ULK3: variants seen among roughly 807,000 people sequenced by gnomAD.
ULK3 encodes the protein serine/threonine-protein kinase ULK3.
Under a neutral mutation model 69.4 loss-of-function variants are expected in ULK3, and 54 were observed. The observed-to-expected ratio is 0.78, with a 90% CI of 0.63 to 0.98. ULK3 has a LOEUF of 0.98. ULK3 is among the 50% of genes least tolerant of loss of function. The pLI, the probability that ULK3 is intolerant of heterozygous loss-of-function variation, is 0.00. For missense variants in ULK3, 558 were observed against 627.7 expected, an observed-to-expected ratio of 0.89 and a Z score of 1.19; for synonymous variants, 240 against 254.5, an observed-to-expected ratio of 0.94 and a Z score of 0.54.
chr15:74,841,366 C>A, intron 4 of ULK3, 39 bp downstream of exon 4: 1 of 1,570,664 alleles, frequency 6.4e-7, no homozygotes, highest in East Asian at 2.2e-5. Flanking sequence ...GAGGCCTCTG[C>A]ACTCTCCAAA....
intron 14 of ULK3, 76 bp from the exon 15 acceptor site, chr15:74,837,511 A>T (rs2064058456): frequency 9.8e-7 from 1 of 1,016,996 alleles, no homozygotes; most frequent in African/African-American, 2.5e-5. Context: ...CAAGTGAGAG[A>T]GTGAAGGACG....
chr15:74,841,059 G>A (rs532397618), intron 4 of ULK3, among the ~76,000 whole-genome samples: 2 of 152,256 alleles, frequency 1.3e-5, no homozygotes, highest in South Asian at 4.1e-4. Flanking sequence ...CAATTCTGAT[G>A]ACAGACCAAG....
intron 6 of ULK3, 85 bp downstream of exon 6, chr15:74,840,149 C>G (rs12908814): frequency 0.58 from 852,695 of 1,469,052 alleles, 252,856 homozygotes; most frequent in Non-Finnish European, 0.62. Flanking sequence ...ATACTCCAGT[C>G]TCTGCAGGTC....
Position 74,843,119 on chromosome 15 carries a change from G to A in ULK3, c.-14C>T. 4 of 1,265,560 alleles carry A rather than the reference G, an allele frequency of 3.2e-6. No individual in the cohort carries two copies. The highest frequency in any genetic ancestry group is 4.0e-6 in the Non-Finnish European group (4 of 1,001,490). 78.4% of individuals were successfully genotyped at this position (1,265,560 alleles called of 1,614,324 possible). On this transcript the variant is annotated 5_prime_UTR_variant, in exon 1 of 16. Transcript: ENST00000440863. ...GGGCCCCGCCATTCCGGCCGCCTGC[G>A]CCCGCGCGGGCGCTTCCTCGCTGCG...
At chr15:74,841,641 T>C (rs543701308) in intron 3 of ULK3, 132 bp from the exon 4 acceptor site, 2 of 739,050 alleles carry the variant, frequency 2.7e-6, no homozygotes, top group African/African-American at 1.8e-5. Context: ...ATGTTTTCCA[T>C]ATAAGCACCA....
chr15:74,837,830 G>A (rs1345042602), intron 13 of ULK3, 32 bp from the exon 14 acceptor site: 3 of 1,573,498 alleles, frequency 1.9e-6, no homozygotes, highest in East Asian at 2.3e-5. Context: ...TTGGGTGTGG[G>A]GGAGAGTGGC....
Position 74,842,688 on chromosome 15 carries a change from G to A in ULK3, c.103-268C>T, listed in dbSNP as rs751538402. The A allele has an allele frequency of 2.0e-6, 3 of 1,534,472 alleles. No homozygotes were observed. The highest frequency in any genetic ancestry group is 2.6e-6 in the Non-Finnish European group (3 of 1,145,902). ...TTTCTTTGCATTCTGGAGTGCTCCC[G>A]GCAGAGGCATGTCACTCAGGGTTCT... On this transcript the variant is annotated intron_variant, in intron 1 of 15. Coordinates refer to ENST00000440863, the MANE Select transcript of ULK3 (RefSeq NM_001099436.4). The surrounding 1 kb of genome is among the most constrained non-coding windows in gnomAD (Gnocchi z 4.9).
intron 5 of ULK3, 36 bp from the exon 6 acceptor site, chr15:74,840,352 A>T: frequency 6.3e-7 from 1 of 1,591,772 alleles, no homozygotes; most frequent in Non-Finnish European, 8.5e-7. Context: ...CTGGGAGGGA[A>T]TGGGTCAAGC....
chr15:74,840,601 C>T lies in ULK3; in HGVS notation c.510G>A (p.Lys170=), dbSNP rs750373094. The T allele has an allele frequency of 6.2e-7, 1 of 1,602,138 alleles. No individual in the cohort carries two copies. Among genetic ancestry groups the T allele is most frequent in the African/African-American group, 1.3e-5 (1 of 74,392 alleles). ...AGAGGGGGGAGCCACGGAGCACGTG[C>T]TTCTCATCCCACGGGGACATGTGTT... ...FAQHMSPWDE[K]HVLRGSPLYM... Residue 170 remains lysine (K), a synonymous_variant, in exon 5 of 16, where the codon AAG becomes AAA. Transcript: ENST00000440863.
chr15:74,839,281 T>G lies in ULK3; in HGVS notation c.945A>C (p.Val315=). The G allele has an allele frequency of 6.4e-6, 10 of 1,558,852 alleles. No individual in the cohort carries two copies. Among genetic ancestry groups the G allele is most frequent in the Non-Finnish European group, 8.7e-6 (10 of 1,150,988 alleles). The change falls in exon 8 of 16, where the codon GTA becomes GTC. Residue 315 remains valine (V), a synonymous_variant. Coordinates refer to ENST00000440863, the MANE Select transcript of ULK3 (RefSeq NM_001099436.4). ...CCTGGGACTCACAGTGCAGGGCAGGTACAAAGAAGTCCAGAGCCTTGCAGT... is the reference window on the plus strand; with the variant it reads ...CCTGGGACTCACAGTGCAGGGCAGGGACAAAGAAGTCCAGAGCCTTGCAGT... ...SLYCKALDFF[V]PALHYEVDAQ... is the part of the protein sequence containing the mutation.
rs1173697992 is a variant in ULK3 at position 74,842,587 on chromosome 15, G to A, written c.103-167C>T. ...AGCTTTCCCTTGTGAGGCCAGTGAG[G>A]AATGCTGATTCTGGAATCCTGGCTT... On this transcript the variant is annotated intron_variant, in intron 1 of 15. Coordinates refer to ENST00000440863, the MANE Select transcript of ULK3 (RefSeq NM_001099436.4). This position sits in a 1 kb window ranked among gnomAD's most constrained non-coding sequence, Gnocchi z 4.9. 1 of 1,564,760 alleles carries A rather than the reference G, an allele frequency of 6.4e-7. No individual in the cohort carries two copies. The highest frequency in any genetic ancestry group is 2.3e-5 in the East Asian group (1 of 42,970).
In ULK3 at chr15:74,837,101, C is replaced by A; in HGVS notation, c.*127G>T. 2 of 1,328,738 alleles carry A rather than the reference C, an allele frequency of 1.5e-6. No individual in the cohort carries two copies. The highest frequency in any genetic ancestry group is 2.0e-6 in the Non-Finnish European group (2 of 989,184). 82.3% of individuals were successfully genotyped at this position (1,328,738 alleles called of 1,614,324 possible). A position where few individuals can be genotyped will look rare whatever the true frequency, so the allele number is the denominator to read the frequency against. Reference sequence around the variant, plus strand: ...GCTGGGGACTCTGGGATATGGGGGTCTCAGCACTGTCCATCCAAGAAGCCT... The same window carrying A: ...GCTGGGGACTCTGGGATATGGGGGTATCAGCACTGTCCATCCAAGAAGCCT... On this transcript the variant is annotated 3_prime_UTR_variant, in exon 16 of 16. Coordinates refer to ENST00000440863, the MANE Select transcript of ULK3 (RefSeq NM_001099436.4).
rs761453162 is a variant in ULK3 at position 74,842,328 on chromosome 15, G to A, written c.195C>T (p.Ile65=). The change falls in exon 2 of 16, where the codon ATC becomes ATT. Residue 65 remains isoleucine, a synonymous_variant. Transcript: ENST00000440863. This position sits in a 1 kb window ranked among gnomAD's most constrained non-coding sequence, Gnocchi z 4.9. ...SVENLLTEIE[I]LKGIRHPHIV... is the part of the protein sequence containing the mutation. ...TGTGGGGATGTCGAATGCCCTTGAG[G>A]ATCTCAATCTCCGTGAGGAGGTTCT... is the stretch of plus-strand genomic sequence containing the variant. 1 of 1,614,018 alleles carries A rather than the reference G, an allele frequency of 6.2e-7. No individual in the cohort carries two copies. The highest frequency in any genetic ancestry group is 1.7e-5 in the Admixed American group (1 of 60,036).
chr15:74,838,449 G>A lies in ULK3; in HGVS notation c.1158C>T (p.Ala386=), dbSNP rs1052538033. ...LLAALEVASA[A]MAKEEAAGGE... is the part of the protein sequence containing the mutation. ...TCCCACTGGCACAAACCTTGGCCAT[G>A]GCAGCTGAAGCCACTTCCAGGGCAG... Residue 386 remains alanine (A), a synonymous_variant, in exon 11 of 16, where the codon GCC becomes GCT. Coordinates refer to ENST00000440863, the MANE Select transcript of ULK3 (RefSeq NM_001099436.4). The A allele has an allele frequency of 4.4e-6, 7 of 1,576,480 alleles. No homozygotes were observed. In the African/African-American group the frequency reaches 5.4e-5, roughly 12 times the overall value.
intron 13 of ULK3, 28 bp downstream of exon 13, chr15:74,838,124 C>T (rs755641105): frequency 6.4e-7 from 1 of 1,550,944 alleles, no homozygotes; most frequent in South Asian, 1.2e-5. Flanking sequence ...AGAGGAAGCC[C>T]CCCAACCCTC....
intron 15 of ULK3, 23 bp from the exon 16 acceptor site, chr15:74,837,267 G>A: frequency 2.5e-6 from 4 of 1,601,730 alleles, no homozygotes; most frequent in East Asian, 2.2e-5. Context: ...GGGGGACAAT[G>A]GGGGAGGGTC....
At chr15:74,839,236 C>T (rs1223346129) in intron 8 of ULK3, 32 bp downstream of exon 8, 2 of 1,548,970 alleles carry the variant, frequency 1.3e-6, no homozygotes, top group Non-Finnish European at 8.7e-7. Context: ...CCCTGCTGCA[C>T]CCACGGGCTT....
Position 74,837,219 on chromosome 15 carries a change from C to T in ULK3, c.*9G>A, listed in dbSNP as rs2064043362. 2 of 1,559,628 alleles carry T rather than the reference C, an allele frequency of 1.3e-6. No individual in the cohort carries two copies. Among genetic ancestry groups the T allele is most frequent in the South Asian group, 1.2e-5 (1 of 81,554 alleles). On this transcript the variant is annotated 3_prime_UTR_variant, in exon 16 of 16. Transcript: ENST00000440863. ...GATGGCTCACATCTGTCCAATCATT[C>T]TTCTAGGGTCACTGAAGGGTGCAAG...
rs762259822 is a variant in ULK3, at chr15:74,840,457, CTG to C, written c.613+39_613+40del. 5.1e-5 allele frequency: 81 copies of C among 1,584,056 alleles called. No individual in the cohort carries two copies. In the African/African-American group the frequency reaches 1.1e-3, roughly 21 times the overall value. Reference sequence around the variant, plus strand: ...CCCAGAGAGGCCTTGCCTGAGGAAACTGTAGGCCTCAGGGTGAGAAGCAGGGA... The same window carrying C: ...CCCAGAGAGGCCTTGCCTGAGGAAACTAGGCCTCAGGGTGAGAAGCAGGGA... On this transcript the variant is annotated intron_variant, in intron 5 of 15. Transcript: ENST00000440863.
Sources: allele counts gnomAD v4.1 joint callset (sites outside exome capture counted in the v4.1 genomes callset), GRCh38; gene constraint gnomAD v4.1.1; non-coding constraint Gnocchi (gnomAD v3.1); transcripts MANE v1.5; gene names NCBI Gene and HGNC (gene_info 2026-07-23, HGNC 2026-07-21).